VCL: variants seen among roughly 807,000 people sequenced by gnomAD.
The protein encoded by VCL is epididymis luminal protein 114.
In VCL, 47 loss-of-function variants were observed where a neutral mutation model predicts 125.7. That is an observed-to-expected ratio of 0.37 (90% confidence interval 0.30 to 0.48). The LOEUF is 0.48. Ranked by LOEUF, VCL falls within the 20% of genes least tolerant of loss-of-function variation. The pLI is 0.99. For synonymous variants in VCL, 458 were observed against 514.6 expected (o/e 0.89, Z 1.49); for missense variants, 1,069 against 1,455.5 (o/e 0.73, Z 4.32).
At chr10:74,026,519 T>TA (rs201184446) in intron 1 of VCL, among the ~76,000 whole-genome samples, 1,830 of 152,328 alleles carry the variant, frequency 0.012, 26 homozygotes, top group Non-Finnish European at 0.019. Flanking sequence ...GCTCCTGACT[T>TA]ACAGCATGTG....
At chr10:74,000,331 A>G (rs114123848) in intron 1 of VCL, among the ~76,000 whole-genome samples, 3,784 of 144,130 alleles carry the variant, frequency 0.026, 160 homozygotes, top group African/African-American at 0.092. Context: ...TGGCGTGATC[A>G]TAGCTCACTG....
chr10:74,078,491 A>G (rs955738373), intron 6 of VCL, among the ~76,000 whole-genome samples: 4 of 152,360 alleles, frequency 2.6e-5, no homozygotes, highest in Admixed American at 6.5e-5. Flanking sequence ...AGCTAATAGA[A>G]TGAAAGATCT....
Position 74,097,257 on chromosome 10 carries a change from C to T in VCL, c.1797C>T (p.Phe599=), listed in dbSNP as rs1433225982. Reference sequence around the variant, plus strand: ...TGACTCAGGAAGTGTCAGATGTTTTCAGCGATACCACAACTCCCATCAAGC... The same window carrying T: ...TGACTCAGGAAGTGTCAGATGTTTTTAGCGATACCACAACTCCCATCAAGC... ...EAMTQEVSDV[F]SDTTTPIKLL... The change falls in exon 13 of 22, where the codon TTC becomes TTT. Residue 599 remains phenylalanine (F), a synonymous_variant. Coordinates refer to ENST00000211998, the MANE Select transcript of VCL (RefSeq NM_014000.3). This position sits in a 1 kb window ranked among gnomAD's most constrained non-coding sequence, Gnocchi z 4.1. 4 of 1,614,026 alleles carry T rather than the reference C, an allele frequency of 2.5e-6. No homozygotes were observed. The highest frequency in any genetic ancestry group is 1.3e-5 in the African/African-American group (1 of 74,926).
At chr10:74,101,487 C>G (rs183492088) in intron 14 of VCL, among the ~76,000 whole-genome samples, 2 of 150,622 alleles carry the variant, frequency 1.3e-5, no homozygotes, top group Admixed American at 6.6e-5. Flanking sequence ...ACCCTGTCAC[C>G]GTCTTTATAC....
In VCL at chr10:73,998,147, C is replaced by G. The variant is rs1161168525; in HGVS notation, c.-61C>G. 6.3e-7 allele frequency: 1 copy of G among 1,583,352 alleles called. No individual in the cohort carries two copies. Among genetic ancestry groups the G allele is most frequent in the Non-Finnish European group, 8.6e-7 (1 of 1,165,170 alleles). ...TGCACAGTCTGTCTCTTCGCCGGTT[C>G]CCGGCCCCGTGGATCCTACTTCTCT... On this transcript the variant is annotated 5_prime_UTR_variant, in exon 1 of 22. Transcript: ENST00000211998.
chr10:74,018,177 G>GATAT (rs72407698), intron 1 of VCL, among the ~76,000 whole-genome samples: 7,488 of 81,738 alleles, frequency 0.092, 627 homozygotes, highest in Middle Eastern at 0.11. Context: ...ATATATATAG[G>GATAT]ATATATATAT....
intron 2 of VCL, among the ~76,000 whole-genome samples, chr10:74,051,151 C>A (rs987395191): frequency 6.6e-6 from 1 of 151,858 alleles, no homozygotes; most frequent in Non-Finnish European, 1.5e-5. Context: ...GTTGGCCAGG[C>A]TGGTCTCGAA....
chr10:74,053,506 G>T (rs555057382), intron 2 of VCL, among the ~76,000 whole-genome samples: 1 of 151,750 alleles, frequency 6.6e-6, no homozygotes, highest in Non-Finnish European at 1.5e-5. Context: ...TTCCCACAAA[G>T]ATCTATTTCA....
intron 1 of VCL, among the ~76,000 whole-genome samples, chr10:74,042,760 G>GCCTA (rs1238339668): frequency 2.0e-5 from 3 of 152,060 alleles, no homozygotes; most frequent in Admixed American, 6.6e-5. Context: ...TAGAGATGTG[G>GCCTA]CCTAGTTTTT....
At chr10:74,012,768 A>G (rs1037051115) in intron 1 of VCL, among the ~76,000 whole-genome samples, 15 of 152,114 alleles carry the variant, frequency 9.9e-5, no homozygotes, top group African/African-American at 3.6e-4. Flanking sequence ...GTTTCCTCCA[A>G]AGTACAGTGC....
At chr10:74,110,866 A>G (rs7475067) in intron 18 of VCL, among the ~76,000 whole-genome samples, 125 of 152,228 alleles carry the variant, frequency 8.2e-4, no homozygotes, top group African/African-American at 2.9e-3. Context: ...GTCTATTTTC[A>G]GCATCTGGCT....
intron 1 of VCL, among the ~76,000 whole-genome samples, chr10:74,006,543 C>T (rs1840326824): frequency 1.3e-5 from 2 of 152,130 alleles, no homozygotes; most frequent in Admixed American, 6.6e-5. Flanking sequence ...AACAAACTAG[C>T]CTGGTTATTT....
chr10:74,016,149 C>T (rs756509571), intron 1 of VCL, among the ~76,000 whole-genome samples: 35 of 151,794 alleles, frequency 2.3e-4, no homozygotes, highest in Non-Finnish European at 4.9e-4. Context: ...AGTCTTTTTC[C>T]CTTCTATAAT....
chr10:74,096,858 T>C (rs572292386), intron 12 of VCL, among the ~76,000 whole-genome samples: 72 of 152,334 alleles, frequency 4.7e-4, no homozygotes, highest in Non-Finnish European at 9.7e-4. Context: ...CTGGCAATGG[T>C]GTGGAACTCT....
chr10:74,077,489 G>A (rs2136277164), intron 6 of VCL: 1 of 175,756 alleles, frequency 5.7e-6, no homozygotes, highest in South Asian at 1.2e-4. Flanking sequence ...GAAATTGGTA[G>A]CTAGGATTTT....
At chr10:74,114,727 G>A (rs1271744913) in intron 20 of VCL, 68 bp from the exon 21 acceptor site, 2 of 1,495,972 alleles carry the variant, frequency 1.3e-6, no homozygotes, top group African/African-American at 1.4e-5. Flanking sequence ...AGGTAGGTAA[G>A]TCTTGCCTTC....
At chr10:74,048,873 C>A (rs910832223) in intron 2 of VCL, among the ~76,000 whole-genome samples, 1 of 152,148 alleles carries the variant, frequency 6.6e-6, no homozygotes, top group Non-Finnish European at 1.5e-5. Context: ...GTAATCCCAG[C>A]ACTTTGGGAG....
chr10:74,061,946 C>T (rs1841487152), intron 2 of VCL, among the ~76,000 whole-genome samples: 1 of 148,492 alleles, frequency 6.7e-6, no homozygotes, highest in Non-Finnish European at 1.5e-5. Context: ...TGCTGGGTCA[C>T]TCAGGATGGA....
chr10:74,001,766 T>G (rs541276582), intron 1 of VCL, among the ~76,000 whole-genome samples: 19 of 152,310 alleles, frequency 1.2e-4, no homozygotes, highest in Non-Finnish European at 2.5e-4. Context: ...TCTTCTGGAA[T>G]TTATGTAATC....
Sources: allele counts gnomAD v4.1 joint callset (sites outside exome capture counted in the v4.1 genomes callset), GRCh38; gene constraint gnomAD v4.1.1; non-coding constraint Gnocchi (gnomAD v3.1); transcripts MANE v1.5; gene names NCBI Gene and HGNC (gene_info 2026-07-23, HGNC 2026-07-21).